The following DMD variants were observed in gnomAD, a reference collection of about 807,000 sequenced individuals.
DMD encodes the protein mutant dystrophin.
DMD carries 63 observed loss-of-function variants against 330.1 expected under a neutral mutation model. The observed-to-expected ratio is 0.19, with a 90% CI of 0.16 to 0.24. The LOEUF is 0.24. Among genes scored for constraint, DMD ranks in the 10% least tolerant of loss-of-function variants. The pLI, the probability that DMD is intolerant of heterozygous loss-of-function variation, is 1.00. For missense variants in DMD, 3,344 were observed against 2,684.1 expected (o/e 1.25, Z -5.43); for synonymous variants, 1,223 against 959.8 (o/e 1.27, Z -5.07).
At chrX:32,736,782 G>T (rs1268941481) in intron 7 of DMD, among the ~76,000 whole-genome samples, 1 of 96,208 alleles carries the variant, frequency 1.0e-5, no homozygotes, top group East Asian at 3.6e-4. Context: ...GGGGGGAGGG[G>T]GTAGGGATAG....
chrX:31,836,901 T>G (rs2093211709), intron 48 of DMD, 82 bp from the exon 49 acceptor site: 2 of 814,685 alleles, frequency 2.5e-6, no homozygotes, highest in Non-Finnish European at 3.7e-6. Flanking sequence ...CCTTGGAGAC[T>G]CCACATGTAT....
At chrX:32,162,597 T>A (rs1450550868) in intron 44 of DMD, among the ~76,000 whole-genome samples, 2 of 95,797 alleles carry the variant, frequency 2.1e-5, no homozygotes, top group Non-Finnish European at 4.2e-5. Context: ...AAGCTTTTTT[T>A]TTTTTTTTTT....
At chrX:33,272,139 C>T (rs2053168455) in intron 1 of DMD, among the ~76,000 whole-genome samples, 1 of 112,483 alleles carries the variant, frequency 8.9e-6, no homozygotes. Context: ...CTGCCTCAGT[C>T]TCCCAAAGTG....
chrX:32,596,553 T>G (rs2055563581), intron 12 of DMD, among the ~76,000 whole-genome samples: 2 of 110,485 alleles, frequency 1.8e-5, no homozygotes, highest in Admixed American at 9.7e-5. Flanking sequence ...TATTTTTTTT[T>G]TCTATTTTGG....
chrX:33,168,596 TTACA>T (rs2049178408), intron 1 of DMD, among the ~76,000 whole-genome samples: 1 of 110,442 alleles, frequency 9.1e-6, no homozygotes, highest in African/African-American at 3.3e-5. Context: ...ATATACAAAC[TTACA>T]TGAGCCTTCT....
At chrX:31,336,070 C>T (rs2057389405) in intron 61 of DMD, among the ~76,000 whole-genome samples, 1 of 112,765 alleles carries the variant, frequency 8.9e-6, no homozygotes, top group Admixed American at 9.3e-5. Flanking sequence ...GCAGCTGATG[C>T]AATTCCTGAA....
chrX:31,530,060 G>A (rs757385431), intron 55 of DMD, among the ~76,000 whole-genome samples: 3 of 111,548 alleles, frequency 2.7e-5, no homozygotes, highest in South Asian at 3.8e-4. Flanking sequence ...TTTCCTTTAC[G>A]GAGAAATGAT....
At chrX:32,460,485 T>C in intron 25 of DMD, among the ~76,000 whole-genome samples, 1 of 111,224 alleles carries the variant, frequency 9.0e-6, no homozygotes, top group Non-Finnish European at 1.9e-5. Flanking sequence ...TGAAATGAAA[T>C]GATGCCACTC....
At chrX:33,107,260 C>T (rs1021273820) in intron 1 of DMD, among the ~76,000 whole-genome samples, 1 of 105,682 alleles carries the variant, frequency 9.5e-6, no homozygotes, top group Non-Finnish European at 1.9e-5. Flanking sequence ...TGCAGTGAGC[C>T]GAGATGGCAT....
chrX:32,225,518 G>C (rs1446618234), intron 43 of DMD, among the ~76,000 whole-genome samples: 1 of 111,533 alleles, frequency 9.0e-6, no homozygotes, highest in Non-Finnish European at 1.9e-5. Flanking sequence ...TCCCATGCAA[G>C]TCTTTGATAT....
At chrX:31,562,579 T>C (rs2075254923) in intron 55 of DMD, among the ~76,000 whole-genome samples, 1 of 112,515 alleles carries the variant, frequency 8.9e-6, no homozygotes, top group South Asian at 3.7e-4. Context: ...TCCAGCTATC[T>C]GGATATCCTC....
intron 44 of DMD, among the ~76,000 whole-genome samples, chrX:32,000,177 T>G (rs770825049): frequency 2.7e-5 from 3 of 112,164 alleles, no homozygotes; most frequent in African/African-American, 9.7e-5. Context: ...TAGAAACAGA[T>G]GTAACAATGG....
intron 1 of DMD, among the ~76,000 whole-genome samples, chrX:33,185,417 T>A (rs2050207815): frequency 9.0e-6 from 1 of 110,859 alleles, no homozygotes; most frequent in Admixed American, 9.7e-5. Flanking sequence ...TGGGAAGTAT[T>A]CTTTCCTCAT....
At chrX:32,894,820 G>A (rs752766231) in intron 2 of DMD, among the ~76,000 whole-genome samples, 2 of 112,402 alleles carry the variant, frequency 1.8e-5, no homozygotes, top group Admixed American at 9.4e-5. Flanking sequence ...TTGTGTGTAC[G>A]TGTGTGTATG....
intron 63 of DMD, among the ~76,000 whole-genome samples, chrX:31,253,355 T>C (rs1009581032): frequency 8.9e-6 from 1 of 111,967 alleles, no homozygotes; most frequent in Non-Finnish European, 1.9e-5. Flanking sequence ...AAGCTAAATA[T>C]TGAGTAGCTT....
intron 9 of DMD, among the ~76,000 whole-genome samples, chrX:32,656,819 A>G (rs1342788735): frequency 1.8e-5 from 2 of 111,950 alleles, no homozygotes; most frequent in African/African-American, 6.5e-5. Context: ...TTTCTTATTT[A>G]AGGTCATTTG....
At chrX:32,173,438 T>C (rs1351414915) in intron 44 of DMD, among the ~76,000 whole-genome samples, 1 of 111,134 alleles carries the variant, frequency 9.0e-6, no homozygotes, top group Non-Finnish European at 1.9e-5. Context: ...AGTGGCGCGA[T>C]CTCGGCTCAC....
At chrX:32,366,458 A>C (rs1358589704) in intron 34 of DMD, among the ~76,000 whole-genome samples, 1 of 112,617 alleles carries the variant, frequency 8.9e-6, no homozygotes, top group South Asian at 3.6e-4. Flanking sequence ...CAGAAAGCCA[A>C]AGCAAAACAA....
At chrX:33,007,318 G>A (rs1423670069) in intron 2 of DMD, among the ~76,000 whole-genome samples, 3 of 110,457 alleles carry the variant, frequency 2.7e-5, no homozygotes, top group Non-Finnish European at 5.7e-5. Flanking sequence ...CCACAAACAC[G>A]CACTCCCTCC....
Sources: allele counts gnomAD v4.1 joint callset (sites outside exome capture counted in the v4.1 genomes callset), GRCh38; gene constraint gnomAD v4.1.1; transcripts MANE v1.5; gene names NCBI Gene and HGNC (gene_info 2026-07-23, HGNC 2026-07-21).